ZDHHC9: variants seen among roughly 807,000 people sequenced by gnomAD.
The protein encoded by ZDHHC9 is palmitoyltransferase ZDHHC9.
Under a neutral mutation model 26.6 loss-of-function variants are expected in ZDHHC9, and 3 were observed. The observed-to-expected ratio is 0.11, with a 90% confidence interval of 0.05 to 0.29. ZDHHC9 has a LOEUF of 0.29. ZDHHC9 is among the 10% of genes least tolerant of loss of function. The probability of loss-of-function intolerance (pLI) is 1.00; values close to 1 mark genes in which losing one functional copy is unlikely to be tolerated. For missense variants in ZDHHC9, 146 were observed against 296.4 expected (o/e 0.49, Z 3.73); for synonymous variants, 111 against 109.4 (o/e 1.01, Z -0.09).
chrX:129,816,670 C>A (rs1365363224), intron 5 of ZDHHC9, among the ~76,000 whole-genome samples: 2 of 110,189 alleles, frequency 1.8e-5, no homozygotes, highest in Non-Finnish European at 3.8e-5. Flanking sequence ...TAATAAAATC[C>A]AGTGCTAGTG....
At chrX:129,839,803 C>G (rs1166187558) in intron 3 of ZDHHC9, among the ~76,000 whole-genome samples, 1 of 111,108 alleles carries the variant, frequency 9.0e-6, no homozygotes, top group Non-Finnish European at 1.9e-5. Flanking sequence ...GGTCACATTT[C>G]CACCTCCCCC....
At chrX:129,817,563 C>CATT (rs1271348512) in intron 5 of ZDHHC9, among the ~76,000 whole-genome samples, 1 of 111,449 alleles carries the variant, frequency 9.0e-6, no homozygotes, top group Non-Finnish European at 1.9e-5. Flanking sequence ...GAACCATCAC[C>CATT]ATTATCTATT....
intron 6 of ZDHHC9, 133 bp from the exon 7 acceptor site, chrX:129,813,858 G>A (rs1411289563): frequency 1.4e-5 from 8 of 578,495 alleles, no homozygotes; most frequent in African/African-American, 6.8e-5. Context: ...GCTCTCACTC[G>A]GGCAAGGGTG....
Position 129,805,995 on chromosome X carries a change from G to C in ZDHHC9, c.*375C>G, listed in dbSNP as rs751591736. The C allele has an allele frequency of 2.0e-4, 46 of 225,956 alleles. No homozygotes were observed. Among genetic ancestry groups the C allele is most frequent in the Non-Finnish European group, 3.4e-4 (42 of 123,439 alleles). The allele number at this position is 225,956 out of a possible 1,213,427, so 18.6% of individuals were successfully genotyped here. A position where few individuals can be genotyped will look rare whatever the true frequency, so the allele number is the denominator to read the frequency against. ...CTCAGCACGTGCAGCAGCTTGGGAG[G>C]ATTTGAGCCAGTCTCAAAAACTTTT... On this transcript the variant is annotated 3_prime_UTR_variant, in exon 11 of 11. Coordinates refer to ENST00000357166, the MANE Select transcript of ZDHHC9 (RefSeq NM_016032.4).
chrX:129,827,852 T>C (rs1399116078), intron 4 of ZDHHC9, among the ~76,000 whole-genome samples: 1 of 112,012 alleles, frequency 8.9e-6, no homozygotes, highest in African/African-American at 3.2e-5. Context: ...ACTCTCGCTC[T>C]GTTGCCCAGG....
At chrX:129,817,532 A>G (rs1009076410) in intron 5 of ZDHHC9, among the ~76,000 whole-genome samples, 4 of 111,735 alleles carry the variant, frequency 3.6e-5, no homozygotes, top group Non-Finnish European at 7.5e-5. Flanking sequence ...ATTCAGTGGC[A>G]TTAATTACAT....
At chrX:129,829,891 T>A (rs778414550) in intron 3 of ZDHHC9, among the ~76,000 whole-genome samples, 4 of 111,714 alleles carry the variant, frequency 3.6e-5, no homozygotes, top group Non-Finnish European at 5.6e-5. Context: ...GCCAGAGACA[T>A]CAATATCATT....
chrX:129,828,097 G>A (rs1036740804), intron 4 of ZDHHC9, among the ~76,000 whole-genome samples: 3 of 112,161 alleles, frequency 2.7e-5, no homozygotes, highest in South Asian at 3.7e-4. Context: ...GATTACAGGC[G>A]TGAGCCACAG....
Position 129,842,051 on chromosome X carries a change from C to A in ZDHHC9, c.-106G>T. 1 of 988,108 alleles carries A rather than the reference C, an allele frequency of 1.0e-6. No homozygotes were observed. Among genetic ancestry groups the A allele is most frequent in the South Asian group, 2.0e-5 (1 of 50,792 alleles). 81.4% of individuals were successfully genotyped at this position (988,108 alleles called of 1,213,427 possible). A position where few individuals can be genotyped will look rare whatever the true frequency, so the allele number is the denominator to read the frequency against. On this transcript the variant is annotated 5_prime_UTR_variant, in exon 3 of 11. Coordinates refer to ENST00000357166, the MANE Select transcript of ZDHHC9 (RefSeq NM_016032.4). The stretch of plus-strand genomic sequence containing the variant: ...TTGCCTGCTATTCCTGCCGCTGGGT[C>A]AAACATCATCAAAAGTCCAATTGCT...
In ZDHHC9 at chrX:129,804,176, G is replaced by A. The variant is rs919970545; in HGVS notation, c.*2194C>T. The A allele has an allele frequency of 9.0e-6, 1 of 111,546 alleles. No individual in the cohort carries two copies. Among genetic ancestry groups the A allele is most frequent in the Non-Finnish European group, 1.9e-5 (1 of 53,129 alleles). 9.2% of individuals were successfully genotyped at this position (111,546 alleles called of 1,213,427 possible). ...GAGAGAGCCATCTGAGCCCAGGAGA[G>A]GAGATGGGCTGAGTACTTATTAAAA... On this transcript the variant is annotated 3_prime_UTR_variant, in exon 11 of 11. Coordinates refer to ENST00000357166, the MANE Select transcript of ZDHHC9 (RefSeq NM_016032.4).
At chrX:129,811,203 G>A (rs2124101446) in intron 9 of ZDHHC9, among the ~76,000 whole-genome samples, 1 of 111,911 alleles carries the variant, frequency 8.9e-6, no homozygotes, top group South Asian at 3.7e-4. Flanking sequence ...ACAAACAAAT[G>A]AAATTAAGAA....
intron 6 of ZDHHC9, 71 bp from the exon 7 acceptor site, chrX:129,813,796 C>T (rs1927699354): frequency 1.0e-6 from 1 of 964,609 alleles, no homozygotes; most frequent in South Asian, 2.0e-5. Context: ...TATCCTAGTG[C>T]CTACTCACTT....
At chrX:129,815,844 A>C (rs1319626588) in intron 5 of ZDHHC9, among the ~76,000 whole-genome samples, 1 of 112,315 alleles carries the variant, frequency 8.9e-6, no homozygotes, top group Non-Finnish European at 1.9e-5. Flanking sequence ...TTCGTCAAGA[A>C]AATAATAGTC....
Position 129,812,776 on chromosome X carries a change from A to G in ZDHHC9, c.719T>C (p.Val240Ala), listed in dbSNP as rs746800457. 1.7e-6 allele frequency: 2 copies of G among 1,211,353 alleles called. No homozygotes were observed. The highest frequency in any genetic ancestry group is 2.2e-6 in the Non-Finnish European group (2 of 895,129). The stretch of plus-strand genomic sequence containing the variant: ...GAAAGTATGAAATCCAGTCAGTCCC[A>G]CGACGGACCAGAGTGTAAAGAAGCA... ...LICFFTLWSV[V>A]GLTGFHTFLV... Residue 240 changes from valine (V) to alanine (A), a missense_variant, in exon 8 of 11, where the codon GTG (valine) becomes GCG (alanine). Around this residue, in one of 2 missense-constraint regions of ZDHHC9, gnomAD observed 100 missense variants for 250.0 expected, o/e 0.40. Transcript: ENST00000357166.
intron 3 of ZDHHC9, among the ~76,000 whole-genome samples, chrX:129,839,287 T>C (rs927138082): frequency 1.9e-4 from 21 of 107,897 alleles, no homozygotes; most frequent in African/African-American, 7.1e-4. Flanking sequence ...CTCAGCTCAC[T>C]GCAACCTCCG....
intron 5 of ZDHHC9, chrX:129,822,934 T>C (rs1379215078): frequency 8.9e-6 from 1 of 112,005 alleles, no homozygotes; most frequent in African/African-American, 3.2e-5. Flanking sequence ...GGAATCTTTA[T>C]GGCCCATTTC....
intron 10 of ZDHHC9, among the ~76,000 whole-genome samples, chrX:129,809,268 G>A (rs1247463180): frequency 8.9e-6 from 1 of 112,110 alleles, no homozygotes; most frequent in Non-Finnish European, 1.9e-5. Context: ...GTACACAAAT[G>A]TTCATAGCAG....
At chrX:129,823,653 G>A in intron 5 of ZDHHC9, 26 bp downstream of exon 5, 1 of 1,211,044 alleles carries the variant, frequency 8.3e-7, no homozygotes. Flanking sequence ...CTTTTCCCTA[G>A]GCAATGTCCC....
chrX:129,841,463 C>A (rs1459734194), intron 3 of ZDHHC9, among the ~76,000 whole-genome samples: 1 of 111,721 alleles, frequency 9.0e-6, no homozygotes, highest in Non-Finnish European at 1.9e-5. Flanking sequence ...CAGGGGAGGC[C>A]ATCTGTCATT....
Sources: gnomAD v4.1 joint callset for allele counts (sites outside exome capture counted in the v4.1 genomes callset) on GRCh38, gnomAD v4.1.1 for gene constraint, gnomAD v4.1.1 regional missense constraint, MANE v1.5 for transcripts, NCBI Gene and HGNC (gene_info 2026-07-23, HGNC 2026-07-21) for gene names.